Variants in RSPO1 observed in about 807,000 individuals in gnomAD.
RSPO1 encodes the protein R-spondin-1.
RSPO1 carries 18 observed loss-of-function variants against 26.0 expected under a neutral mutation model. The observed-to-expected ratio is 0.69, with a 90% CI of 0.48 to 1.03. The LOEUF is 1.03. Among genes scored for constraint, RSPO1 ranks in the 50% least tolerant of loss-of-function variants. RSPO1 has a pLI of 0.00. For missense variants in RSPO1, 309 were observed against 352.3 expected (o/e 0.88, Z 0.98); for synonymous variants, 133 against 137.4 (o/e 0.97, Z 0.22).
chr1:37,632,707 AC>A (rs1291216499), intron 1 of RSPO1, among the ~76,000 whole-genome samples: 1 of 152,114 alleles, frequency 6.6e-6, no homozygotes, highest in East Asian at 1.9e-4. Context: ...CGGACTAGGA[AC>A]CCTGCAGCAC....
rs1557443211 is a variant in RSPO1, at chr1:37,634,192, TG to T, written c.-356+373del. On this transcript the variant is annotated intron_variant, in intron 1 of 6. Transcript: ENST00000356545. This position sits in a 1 kb window ranked among gnomAD's most constrained non-coding sequence, Gnocchi z 4.7. The stretch of plus-strand genomic sequence containing the variant: ...GGGGGTCACCAGAGACCGTGGGACT[TG>T]GGGGAATCCGAGCCAATGAGCCCCA... Among the ~76,000 whole-genome samples the T allele has an allele frequency of 6.6e-6, 1 of 151,884 alleles. No individual in the cohort carries two copies. Among genetic ancestry groups the T allele is most frequent in the South Asian group, 2.1e-4 (1 of 4,802 alleles).
chr1:37,627,221 C>T (rs1570120241), intron 3 of RSPO1, among the ~76,000 whole-genome samples: 1 of 152,074 alleles, frequency 6.6e-6, no homozygotes, highest in South Asian at 2.1e-4. Flanking sequence ...CCGAGGTCCA[C>T]CCAGTGCCCT....
chr1:37,624,317 G>A (rs901037083), intron 3 of RSPO1, among the ~76,000 whole-genome samples: 1 of 152,142 alleles, frequency 6.6e-6, no homozygotes, highest in African/African-American at 2.4e-5. Flanking sequence ...GCCTGTTATG[G>A]GGGGTGTGCA....
chr1:37,633,631 C>A (rs1644393564), intron 1 of RSPO1, among the ~76,000 whole-genome samples: 2 of 151,120 alleles, frequency 1.3e-5, no homozygotes, highest in South Asian at 4.2e-4. Context: ...GGCCGCCCAG[C>A]AGGCTGGCAG....
At chr1:37,615,644 C>A (rs1032490907) in intron 4 of RSPO1, among the ~76,000 whole-genome samples, 3 of 152,212 alleles carry the variant, frequency 2.0e-5, no homozygotes, top group Non-Finnish European at 2.9e-5. Flanking sequence ...TTCTAAATGG[C>A]AAGGCACTGA....
chr1:37,614,308 G>A lies in RSPO1; in HGVS notation c.312C>T (p.Ala104=). The A allele has an allele frequency of 3.7e-6, 6 of 1,613,806 alleles. No homozygotes were observed. The highest frequency in any genetic ancestry group is 5.1e-6 in the Non-Finnish European group (6 of 1,180,036). The change falls in exon 5 of 7, where the codon GCC becomes GCT. Residue 104 remains alanine (A), a synonymous_variant. Coordinates refer to ENST00000356545, the MANE Select transcript of RSPO1 (RefSeq NM_001242908.2). ...TGGTGCAGAAGTTATGGCTGAAGCA[G>A]GCCTCACAGTGCTCGATCTTGCATT... ...CIKCKIEHCE[A]CFSHNFCTKC...
At chr1:37,614,133 C>T in intron 5 of RSPO1, 51 bp downstream of exon 5, 1 of 1,600,088 alleles carries the variant, frequency 6.2e-7, no homozygotes, top group Non-Finnish European at 8.5e-7. Flanking sequence ...TTACCCGGCC[C>T]CTCCTTCTGG....
At chr1:37,619,341 G>T (rs568734528) in intron 3 of RSPO1, among the ~76,000 whole-genome samples, 3 of 152,350 alleles carry the variant, frequency 2.0e-5, no homozygotes, top group East Asian at 1.9e-4. Context: ...CAGGGTAGTG[G>T]ACCCAGAGCT....
chr1:37,615,648 G>A (rs927728930), intron 4 of RSPO1, among the ~76,000 whole-genome samples: 1 of 152,224 alleles, frequency 6.6e-6, no homozygotes, highest in African/African-American at 2.4e-5. Flanking sequence ...AAATGGCAAG[G>A]CACTGAACAA....
At chr1:37,630,204 C>G (rs535536829) in intron 2 of RSPO1, among the ~76,000 whole-genome samples, 1 of 152,216 alleles carries the variant, frequency 6.6e-6, no homozygotes, top group Non-Finnish European at 1.5e-5. Context: ...GATGATTTCT[C>G]AATAACGGGA....
In RSPO1 at chr1:37,612,121, A is replaced by G. The variant is rs75675774; in HGVS notation, c.*634T>C. On this transcript the variant is annotated 3_prime_UTR_variant, in exon 7 of 7. Coordinates refer to ENST00000356545, the MANE Select transcript of RSPO1 (RefSeq NM_001242908.2). ...CCAAACCCTCACACCCTGCAAAGGA[A>G]TGTGGTGCCTGTGTCTACTGCTGTC... The G allele has an allele frequency of 8.4e-3, 1,305 of 154,524 alleles. 13 individuals carry two copies. Among genetic ancestry groups the G allele is most frequent in the African/African-American group, 0.03 (1,258 of 41,574 alleles). 9.6% of individuals were successfully genotyped at this position (154,524 alleles called of 1,614,324 possible).
intron 2 of RSPO1, among the ~76,000 whole-genome samples, chr1:37,631,418 T>C (rs886427474): frequency 6.6e-6 from 1 of 152,104 alleles, no homozygotes; most frequent in Non-Finnish European, 1.5e-5. Flanking sequence ...TACCAAAGCC[T>C]TTCTATCCTC....
rs1644410170 is a variant in RSPO1, at chr1:37,634,521, AGGG to A, written c.-356+42_-356+44del. On this transcript the variant is annotated intron_variant, in intron 1 of 6. Transcript: ENST00000356545. The surrounding 1 kb of genome is among the most constrained non-coding windows in gnomAD (Gnocchi z 4.7). ...CCCGCCGCGCCCCAGCTCCCGGGGAAGGGGGCGCTGGGGAGAAGGATGGGGCAG... is the reference window on the plus strand; with the variant it reads ...CCCGCCGCGCCCCAGCTCCCGGGGAAGGCGCTGGGGAGAAGGATGGGGCAG... 1 of 152,154 alleles carries A rather than the reference AGGG, an allele frequency of 6.6e-6. No homozygotes were observed. 9.4% of individuals were successfully genotyped at this position (152,154 alleles called of 1,614,324 possible).
intron 2 of RSPO1, 41 bp from the exon 3 acceptor site, chr1:37,629,990 A>T (rs1325516364): frequency 2.2e-6 from 2 of 888,968 alleles, no homozygotes; most frequent in Non-Finnish European, 1.8e-6. Flanking sequence ...CTGTAGTACC[A>T]TGAACACTCC....
chr1:37,614,320 C>A lies in RSPO1; in HGVS notation c.300G>T (p.Glu100Asp), dbSNP rs1037387705. The change falls in exon 5 of 7, where the codon GAG becomes GAT. Residue 100 changes from glutamate (E) to aspartate (D), a missense_variant. Coordinates refer to ENST00000356545, the MANE Select transcript of RSPO1 (RefSeq NM_001242908.2). ...DMNKCIKCKIEHCEACFSHNF... is the reference protein window; with the variant it reads ...DMNKCIKCKIDHCEACFSHNF... Reference sequence around the variant, plus strand: ...TATGGCTGAAGCAGGCCTCACAGTGCTCGATCTTGCATTCTGAGGAGAGGA... The same window carrying A: ...TATGGCTGAAGCAGGCCTCACAGTGATCGATCTTGCATTCTGAGGAGAGGA... The A allele has an allele frequency of 6.2e-7, 1 of 1,613,776 alleles. No individual in the cohort carries two copies. The highest frequency in any genetic ancestry group is 1.7e-5 in the Admixed American group (1 of 60,034).
At chr1:37,614,411 C>A in intron 4 of RSPO1, 78 bp from the exon 5 acceptor site, 2 of 1,534,088 alleles carry the variant, frequency 1.3e-6, no homozygotes, top group Non-Finnish European at 1.8e-6. Context: ...CCAATACCCT[C>A]CCTTCTGTCC....
chr1:37,618,148 GGAACTT>G (rs955894440), intron 3 of RSPO1, among the ~76,000 whole-genome samples: 2 of 152,216 alleles, frequency 1.3e-5, no homozygotes, highest in African/African-American at 4.8e-5. Flanking sequence ...ATCATGCTAA[GGAACTT>G]GAACTTGAGC....
intron 3 of RSPO1, among the ~76,000 whole-genome samples, chr1:37,624,682 T>G (rs1296882751): frequency 6.6e-6 from 1 of 152,098 alleles, no homozygotes; most frequent in Non-Finnish European, 1.5e-5. Context: ...TCGCTGCCCC[T>G]CCCCGCTAGG....
Position 37,629,857 on chromosome 1 carries a change from A to G in RSPO1, c.-196T>C. Reference sequence around the variant, plus strand: ...CCCAGTTCTCCATCAGCTCAAAGGGAGGTCCTCAAAGAGAGACTTCCTCAA... The same window carrying G: ...CCCAGTTCTCCATCAGCTCAAAGGGGGGTCCTCAAAGAGAGACTTCCTCAA... On this transcript the variant is annotated 5_prime_UTR_variant, in exon 3 of 7. Coordinates refer to ENST00000356545, the MANE Select transcript of RSPO1 (RefSeq NM_001242908.2). The G allele has an allele frequency of 6.4e-7, 1 of 1,550,806 alleles. No homozygotes were observed. Among genetic ancestry groups the G allele is most frequent in the Non-Finnish European group, 8.7e-7 (1 of 1,146,882 alleles).
Sources: allele counts gnomAD v4.1 joint callset (sites outside exome capture counted in the v4.1 genomes callset), GRCh38; gene constraint gnomAD v4.1.1; non-coding constraint Gnocchi (gnomAD v3.1); transcripts MANE v1.5; gene names NCBI Gene and HGNC (gene_info 2026-07-23, HGNC 2026-07-21).